STK3: variants seen among roughly 807,000 people sequenced by gnomAD.
The protein encoded by STK3 is serine/threonine kinase 3, also known as serine/threonine-protein kinase 3.
A neutral mutation model predicts 58.0 loss-of-function variants in STK3; 41 were observed. The ratio of observed to expected loss-of-function variants is 0.71; its 90% confidence interval spans 0.55 to 0.92. The LOEUF (loss-of-function observed/expected upper bound fraction) is 0.92, where lower values mean the gene tolerates loss of function less well. Ranked by LOEUF, STK3 falls within the 40% of genes least tolerant of loss-of-function variation. STK3 has a pLI of 0.00. For synonymous variants in STK3, 170 were observed against 191.0 expected, an observed-to-expected ratio of 0.89 and a Z score of 0.91; for missense variants, 479 against 602.7, an observed-to-expected ratio of 0.79 and a Z score of 2.15.
intron 1 of STK3, among the ~76,000 whole-genome samples, chr8:98,440,766 C>T (rs1274467283): frequency 1.3e-5 from 2 of 152,154 alleles, no homozygotes; most frequent in East Asian, 1.9e-4. Flanking sequence ...GGCACATGTC[C>T]GTGCATTTCC....
intron 8 of STK3, among the ~76,000 whole-genome samples, chr8:98,579,170 A>G (rs1813655607): frequency 6.6e-6 from 1 of 152,142 alleles, no homozygotes; most frequent in Non-Finnish European, 1.5e-5. Context: ...AGTATTAGAC[A>G]CTACAAAATG....
Position 98,673,994 on chromosome 8 carries a change from A to G in STK3, c.684+32473T>C, listed in dbSNP as rs1267476184. Among the ~76,000 whole-genome samples the G allele has an allele frequency of 2.6e-5, 4 of 152,316 alleles. No homozygotes were observed. In the East Asian group the frequency reaches 7.7e-4, roughly 29 times the overall value. ...TGTTTTCTTTTAAGTACTCATTTTA[A>G]CAATTTATTTCTCCTAAATTCAGCA... On this transcript the variant is annotated intron_variant, in intron 6 of 10. Coordinates refer to ENST00000419617, the MANE Select transcript of STK3 (RefSeq NM_006281.4).
intron 1 of STK3, among the ~76,000 whole-genome samples, chr8:98,935,237 A>G (rs1840154898): frequency 6.6e-6 from 1 of 152,244 alleles, no homozygotes; most frequent in Admixed American, 6.5e-5. Context: ...ATCTTGGACC[A>G]TAAAGTAAGA....
intron 1 of STK3, chr8:98,437,831 T>A (rs1818548227): frequency 1.3e-5 from 2 of 152,190 alleles, no homozygotes; most frequent in Non-Finnish European, 2.9e-5. Context: ...CATTTCTTTT[T>A]GTGGGAATGT....
chr8:98,489,687 G>A (rs997158712), intron 10 of STK3, among the ~76,000 whole-genome samples: 4 of 151,976 alleles, frequency 2.6e-5, no homozygotes, highest in Non-Finnish European at 4.4e-5. Context: ...AATAATAGAT[G>A]CTATTGAATA....
At chr8:98,439,387 G>A (rs1391038111) in intron 1 of STK3, 1 of 152,242 alleles carries the variant, frequency 6.6e-6, no homozygotes, top group Non-Finnish European at 1.5e-5. Flanking sequence ...AAGCCTCCCA[G>A]GCTGGAGACC....
chr8:98,914,722 T>C (rs1005782975), intron 1 of STK3, among the ~76,000 whole-genome samples: 13 of 152,274 alleles, frequency 8.5e-5, no homozygotes, highest in African/African-American at 2.9e-4. Context: ...CCCACATGCT[T>C]GGGGGCATGT....
At chr8:98,750,429 T>C (rs1357985814) in intron 3 of STK3, among the ~76,000 whole-genome samples, 2 of 147,038 alleles carry the variant, frequency 1.4e-5, no homozygotes, top group Admixed American at 1.4e-4. Flanking sequence ...TGGGCACAAA[T>C]GTAAGATAAA....
At chr8:98,650,581 C>T (rs1820808683) in intron 6 of STK3, among the ~76,000 whole-genome samples, 1 of 152,212 alleles carries the variant, frequency 6.6e-6, no homozygotes, top group Non-Finnish European at 1.5e-5. Context: ...AGTCCCTTTC[C>T]TAGTCAAAGA....
chr8:98,654,790 C>T (rs1214871787), intron 6 of STK3, among the ~76,000 whole-genome samples: 3 of 152,008 alleles, frequency 2.0e-5, no homozygotes, highest in Non-Finnish European at 4.4e-5. Context: ...ACGTGAAGGA[C>T]CTCTTCAAGG....
intron 1 of STK3, among the ~76,000 whole-genome samples, chr8:98,889,098 A>G (rs900411752): frequency 1.3e-5 from 2 of 152,212 alleles, no homozygotes; most frequent in Non-Finnish European, 2.9e-5. Context: ...GACAAATTAC[A>G]TCAAAACAAG....
chr8:98,904,872 T>C (rs1253682871), intron 1 of STK3: 15 of 680,322 alleles, frequency 2.2e-5, no homozygotes, highest in African/African-American at 1.2e-4. Flanking sequence ...AGAAGTAGAG[T>C]TGAGGTGGCT....
chr8:98,369,101 C>G (rs941501119), downstream of STK3, among the ~76,000 whole-genome samples: 18 of 152,196 alleles, frequency 1.2e-4, no homozygotes, highest in Admixed American at 5.9e-4. Flanking sequence ...CCCTAATATT[C>G]TGTCCTCAGG....
intron 6 of STK3, among the ~76,000 whole-genome samples, chr8:98,617,649 G>T (rs1443885279): frequency 6.6e-6 from 1 of 151,962 alleles, no homozygotes; most frequent in East Asian, 1.9e-4. Flanking sequence ...CGATCCCACA[G>T]AAATACAAAC....
chr8:98,721,439 A>C (rs1827417521), intron 4 of STK3, among the ~76,000 whole-genome samples: 1 of 152,110 alleles, frequency 6.6e-6, no homozygotes, highest in Non-Finnish European at 1.5e-5. Flanking sequence ...CTGAGGTGGG[A>C]GGATCACATG....
At chr8:98,603,066 C>T (rs1409421826) in intron 6 of STK3, among the ~76,000 whole-genome samples, 3 of 152,090 alleles carry the variant, frequency 2.0e-5, no homozygotes, top group East Asian at 3.8e-4. Flanking sequence ...ACAAGGTTAG[C>T]TCTGGGTATC....
At chr8:98,631,813 C>T (rs558622846) in intron 6 of STK3, among the ~76,000 whole-genome samples, 4 of 152,314 alleles carry the variant, frequency 2.6e-5, no homozygotes, top group South Asian at 2.1e-4. Flanking sequence ...TACAGGCATA[C>T]GCCACTATGC....
rs540608882 is a variant in STK3, at chr8:98,767,068, C to T, written c.236+175G>A. ...CCCAGAAAGCGGAGGTTGTGGTGAGCCGAGATGGCGCCATTGCACTCCAGC... is the reference window on the plus strand; with the variant it reads ...CCCAGAAAGCGGAGGTTGTGGTGAGTCGAGATGGCGCCATTGCACTCCAGC... On this transcript the variant is annotated intron_variant, in intron 3 of 10. Coordinates refer to ENST00000419617, the MANE Select transcript of STK3 (RefSeq NM_006281.4). Among the ~76,000 whole-genome samples, 8 of 152,232 alleles carry T rather than the reference C, an allele frequency of 5.3e-5. No homozygotes were observed. The East Asian group carries it at 9.6e-4, about 18-fold the overall frequency.
At chr8:98,733,818 G>A (rs1486341955) in intron 4 of STK3, among the ~76,000 whole-genome samples, 1 of 152,078 alleles carries the variant, frequency 6.6e-6, no homozygotes, top group Non-Finnish European at 1.5e-5. Flanking sequence ...ATCAATAAAT[G>A]TGTTTTGAAC....
Sources: allele counts gnomAD v4.1 joint callset (sites outside exome capture counted in the v4.1 genomes callset), GRCh38; gene constraint gnomAD v4.1.1; transcripts MANE v1.5; gene names NCBI Gene and HGNC (gene_info 2026-07-23, HGNC 2026-07-21).